Variants in CFAP276 observed in about 807,000 individuals in gnomAD.
CFAP276 encodes cilia and flagella associated protein 276.
chr1:109,110,274 A>G, the CFAP276 span, among the ~76,000 whole-genome samples: 1 of 152,096 alleles, frequency 6.6e-6, no homozygotes, highest in Admixed American at 6.6e-5. Flanking sequence ...TCCCTACAGA[A>G]CCAGACCTTT....
At chr1:109,109,043 A>G in the CFAP276 span, among the ~76,000 whole-genome samples, 1 of 152,236 alleles carries the variant, frequency 6.6e-6, no homozygotes, top group Non-Finnish European at 1.5e-5. Context: ...GTAAAATGCC[A>G]TATTCACCAC....
At chr1:109,106,773 C>T in the CFAP276 span, 1 of 1,281,630 alleles carries the variant, frequency 7.8e-7, no homozygotes, top group Non-Finnish European at 1.1e-6. Flanking sequence ...ACTCTTTTTA[C>T]CTCTGTGGGA....
the CFAP276 span, among the ~76,000 whole-genome samples, chr1:109,113,416 A>AGAG: frequency 1.0e-4 from 7 of 68,088 alleles, no homozygotes; most frequent in African/African-American, 2.5e-4. Flanking sequence ...GAGAGAGAGA[A>AGAG]AGAGAGAGAG....
the CFAP276 span, chr1:109,112,839 G>T: frequency 8.1e-7 from 1 of 1,241,330 alleles, no homozygotes; most frequent in Admixed American, 3.1e-5. Flanking sequence ...TCAGAGGAGG[G>T]CGCCACCTGG....
the CFAP276 span, chr1:109,106,857 CA>C: frequency 1.2e-6 from 1 of 855,598 alleles, no homozygotes; most frequent in Non-Finnish European, 1.8e-6. Flanking sequence ...AGTGAAAATA[CA>C]GAAACTATAT....
the CFAP276 span, among the ~76,000 whole-genome samples, chr1:109,111,472 C>CAA: frequency 0.08 from 11,244 of 141,354 alleles, 540 homozygotes; most frequent in African/African-American, 0.095. Flanking sequence ...GACCCTGTCT[C>CAA]AAAAAAAAAA....
At chr1:109,109,088 T>C in the CFAP276 span, among the ~76,000 whole-genome samples, 5 of 152,104 alleles carry the variant, frequency 3.3e-5, no homozygotes, top group African/African-American at 1.2e-4. Flanking sequence ...ACCTAACACA[T>C]GGTATTAAAA....
chr1:109,107,183 T>A, the CFAP276 span: 1 of 1,323,196 alleles, frequency 7.6e-7, no homozygotes, highest in Non-Finnish European at 1.1e-6. Context: ...TCTAGTCAGG[T>A]TCTATTGTGC....
the CFAP276 span, among the ~76,000 whole-genome samples, chr1:109,111,940 C>T: frequency 6.6e-6 from 1 of 152,206 alleles, no homozygotes; most frequent in African/African-American, 2.4e-5. Flanking sequence ...GCAGAAGCTA[C>T]ATCTAATTTA....
the CFAP276 span, chr1:109,113,824 T>C: frequency 3.6e-6 from 3 of 840,672 alleles, no homozygotes; most frequent in South Asian, 3.5e-5. Flanking sequence ...GCCCCGGGCC[T>C]GCCTGTTGGG....
the CFAP276 span, chr1:109,112,722 C>T: frequency 1.9e-6 from 3 of 1,546,526 alleles, no homozygotes; most frequent in South Asian, 1.2e-5. Flanking sequence ...GAGGCCCGCT[C>T]AGCCGCAGCA....
At chr1:109,106,938 T>G in the CFAP276 span, 4 of 1,232,718 alleles carry the variant, frequency 3.2e-6, no homozygotes, top group Non-Finnish European at 4.7e-6. Context: ...ATTTTCCAGG[T>G]GACATTTTAC....
chr1:109,106,449 C>A, the CFAP276 span: 1 of 1,501,334 alleles, frequency 6.7e-7, no homozygotes, highest in Admixed American at 2.0e-5. Flanking sequence ...CCCTACTGTC[C>A]AATCACCTTA....
the CFAP276 span, chr1:109,106,431 T>C: frequency 0.25 from 348,318 of 1,409,368 alleles, 47,561 homozygotes; most frequent in East Asian, 0.47. Context: ...ACAGATATCC[T>C]TCATCTTCCC....
the CFAP276 span, among the ~76,000 whole-genome samples, chr1:109,109,143 C>T: frequency 6.6e-6 from 1 of 152,050 alleles, no homozygotes; most frequent in Admixed American, 6.5e-5. Flanking sequence ...CCAGTGAGTG[C>T]AACTAACAAC....
chr1:109,106,699 C>T, the CFAP276 span: 107 of 1,600,864 alleles, frequency 6.7e-5, no homozygotes, highest in East Asian at 2.4e-3. Context: ...AGAGTGAAAT[C>T]AATCAGAGAA....
At chr1:109,107,908 C>A in the CFAP276 span, 1 of 1,575,222 alleles carries the variant, frequency 6.3e-7, no homozygotes, top group Non-Finnish European at 8.7e-7. Flanking sequence ...AATAATATTT[C>A]AATGCTAGGT....
the CFAP276 span, among the ~76,000 whole-genome samples, chr1:109,112,193 A>G: frequency 1.4e-4 from 21 of 152,318 alleles, no homozygotes; most frequent in African/African-American, 4.8e-4. Flanking sequence ...ACCAGAAGAC[A>G]GAGACAGTGT....
chr1:109,107,278 A>G, the CFAP276 span, among the ~76,000 whole-genome samples: 1 of 152,298 alleles, frequency 6.6e-6, no homozygotes, highest in African/African-American at 2.4e-5. Context: ...TGTATATGAT[A>G]ACTCTTGTTG....
Sources: gnomAD v4.1 joint callset for allele counts (sites outside exome capture counted in the v4.1 genomes callset) on GRCh38, gnomAD v4.1.1 for gene constraint, MANE v1.5 for transcripts, NCBI Gene and HGNC (gene_info 2026-07-23, HGNC 2026-07-21) for gene names.